FHIP2A: variants seen among roughly 807,000 people sequenced by gnomAD.
FHIP2A encodes the protein FHF complex subunit HOOK interacting protein 2A.
In FHIP2A, 46 loss-of-function variants were observed where a neutral mutation model predicts 93.5. The observed-to-expected ratio is 0.49, with a 90% CI of 0.39 to 0.63. FHIP2A has a LOEUF of 0.63. FHIP2A is among the 20% of genes least tolerant of loss of function. The pLI, the probability that FHIP2A is intolerant of heterozygous loss-of-function variation, is 0.00. For missense variants in FHIP2A, 769 were observed against 909.7 expected, an observed-to-expected ratio of 0.85 and a Z score of 1.99; for synonymous variants, 332 against 326.5, an observed-to-expected ratio of 1.02 and a Z score of -0.18.
chr10:114,848,840 T>G, intron 13 of FHIP2A, 103 bp downstream of exon 13: 1 of 758,394 alleles, frequency 1.3e-6, no homozygotes, highest in South Asian at 1.6e-5. Context: ...ATGACTTCAT[T>G]CTTATTAAAA....
At chr10:114,898,228 T>A (rs1234862832) in intron 16 of FHIP2A, among the ~76,000 whole-genome samples, 3 of 152,216 alleles carry the variant, frequency 2.0e-5, no homozygotes, top group Admixed American at 1.3e-4. Context: ...CAGCCAGCAC[T>A]GTGTACAGCT....
intron 16 of FHIP2A, among the ~76,000 whole-genome samples, chr10:114,893,244 A>T (rs1002081582): frequency 2.6e-5 from 4 of 152,244 alleles, no homozygotes; most frequent in African/African-American, 9.6e-5. Flanking sequence ...ATGATTAGAT[A>T]AACTATTGTA....
At chr10:114,882,369 A>C (rs1037239881) in intron 16 of FHIP2A, among the ~76,000 whole-genome samples, 1 of 152,168 alleles carries the variant, frequency 6.6e-6, no homozygotes, top group Non-Finnish European at 1.5e-5. Flanking sequence ...ATCACAGTCT[A>C]CATGGTATAT....
rs775174248 is a variant in FHIP2A at position 114,848,608 on chromosome 10, AATGGAC to A, written c.1713-36_1713-31del. The A allele has an allele frequency of 3.4e-5, 40 of 1,190,306 alleles. No individual in the cohort carries two copies. In the South Asian group the frequency reaches 4.9e-4, roughly 15 times the overall value. 73.7% of individuals were successfully genotyped at this position (1,190,306 alleles called of 1,614,324 possible). On this transcript the variant is annotated intron_variant, in intron 12 of 16. Transcript: ENST00000369248. ...ACTTTTTCCTTTTTTTTTTCATGCA[AATGGAC>A]ATCTTGCATAATTGTGGCCGTTTTC...
chr10:114,865,962 T>G (rs889718948), downstream of FHIP2A, among the ~76,000 whole-genome samples: 2 of 152,062 alleles, frequency 1.3e-5, no homozygotes, highest in Non-Finnish European at 2.9e-5. Context: ...TTTTTCTGTT[T>G]GTTTGTTTTT....
At chr10:114,822,729 T>C (rs1035332530) in intron 1 of FHIP2A, among the ~76,000 whole-genome samples, 1 of 152,188 alleles carries the variant, frequency 6.6e-6, no homozygotes, top group African/African-American at 2.4e-5. Context: ...CTGAACCTTA[T>C]GTATTGATCT....
Position 114,861,694 on chromosome 10 carries a change from A to G in FHIP2A, c.*154A>G. The G allele has an allele frequency of 2.1e-6, 3 of 1,413,824 alleles. No individual in the cohort carries two copies. The highest frequency in any genetic ancestry group is 1.4e-5 in the African/African-American group (1 of 69,210). The allele number at this position is 1,413,824 out of a possible 1,614,324, so 87.6% of individuals were successfully genotyped here. On this transcript the variant is annotated 3_prime_UTR_variant, in exon 17 of 17. Coordinates refer to ENST00000369248, the MANE Select transcript of FHIP2A (RefSeq NM_020940.4). ...ACCATTAAGAACCTATTGAGTGGAC[A>G]TTCTTGGTGAAATGTTGTATAATGT...
At chr10:114,836,976 A>G (rs1402921183) in intron 5 of FHIP2A, among the ~76,000 whole-genome samples, 1 of 152,132 alleles carries the variant, frequency 6.6e-6, no homozygotes, top group Non-Finnish European at 1.5e-5. Flanking sequence ...ACCATTGGTC[A>G]CTGCAGCCTT....
rs114514656 is a variant in FHIP2A at position 114,882,630 on chromosome 10, T to G, written c.2193-16860T>G. Among the ~76,000 whole-genome samples, 1,144 of 152,240 alleles carry G rather than the reference T, an allele frequency of 7.5e-3. 25 individuals are homozygous for G. Among genetic ancestry groups the G allele is most frequent in the African/African-American group, 0.026 (1,089 of 41,524 alleles). ...AGCATTATTCCCAACACCAACACTT[T>G]GGGAGGCCAAGGCAGGCAAATCACT... On this transcript the variant is annotated intron_variant, in intron 16 of 16. Transcript: ENST00000369250.
intron 5 of FHIP2A, among the ~76,000 whole-genome samples, chr10:114,842,679 C>T (rs944024929): frequency 9.2e-5 from 14 of 152,116 alleles, no homozygotes; most frequent in African/African-American, 3.4e-4. Flanking sequence ...GTCAAATTAT[C>T]AGTAATACTG....
chr10:114,867,572 T>C (rs1171757195), downstream of FHIP2A, among the ~76,000 whole-genome samples: 6 of 152,230 alleles, frequency 3.9e-5, no homozygotes, highest in Admixed American at 3.9e-4. Context: ...CTCAGTACTC[T>C]TTTGACAGCG....
At chr10:114,853,756 T>A (rs1040186663) in intron 13 of FHIP2A, among the ~76,000 whole-genome samples, 20 of 152,178 alleles carry the variant, frequency 1.3e-4, no homozygotes, top group African/African-American at 3.9e-4. Context: ...CCTAGCACTT[T>A]GGGAGGCCGA....
chr10:114,878,791 A>AAAGAAAGAAAGAAAGAAAG (rs796671658), intron 16 of FHIP2A, among the ~76,000 whole-genome samples: 13 of 135,464 alleles, frequency 9.6e-5, no homozygotes, highest in African/African-American at 3.0e-4. Flanking sequence ...AAAAAAAAAA[A>AAAGAAAGAAAGAAAGAAAG]AAAGAAAGAA....
In FHIP2A at chr10:114,861,779, G is replaced by T; in HGVS notation, c.*239G>T. ...ATACAATTGCACATTGTTGAATCCA[G>T]GATACAATCAAAGGAACTTCAGGAA... On this transcript the variant is annotated 3_prime_UTR_variant, in exon 17 of 17. Transcript: ENST00000369248. 1 of 1,151,202 alleles carries T rather than the reference G, an allele frequency of 8.7e-7. No homozygotes were observed. The highest frequency in any genetic ancestry group is 1.1e-6 in the Non-Finnish European group (1 of 934,736). The allele number at this position is 1,151,202 out of a possible 1,614,324, so 71.3% of individuals were successfully genotyped here.
chr10:114,829,935 G>A (rs2083598481), intron 1 of FHIP2A, among the ~76,000 whole-genome samples: 1 of 152,290 alleles, frequency 6.6e-6, no homozygotes, highest in Non-Finnish European at 1.5e-5. Flanking sequence ...GAGCTAAAAT[G>A]TTGAGCATTT....
intron 16 of FHIP2A, among the ~76,000 whole-genome samples, chr10:114,870,250 G>C (rs2083850570): frequency 1.3e-5 from 2 of 152,148 alleles, no homozygotes; most frequent in South Asian, 4.1e-4. Flanking sequence ...ATGTTGGATA[G>C]GCGCAAATGC....
intron 16 of FHIP2A, among the ~76,000 whole-genome samples, chr10:114,872,401 T>G (rs993761689): frequency 8.5e-5 from 13 of 152,252 alleles, no homozygotes; most frequent in Non-Finnish European, 1.5e-5. Flanking sequence ...ATTGTAATTT[T>G]ATAACCCACA....
intron 5 of FHIP2A, among the ~76,000 whole-genome samples, chr10:114,842,380 G>GT (rs1331371072): frequency 6.6e-6 from 1 of 152,106 alleles, no homozygotes; most frequent in Admixed American, 6.6e-5. Context: ...CGTTCTTATA[G>GT]AGTAGAGGTT....
At chr10:114,845,801 T>C (rs1171740017) in intron 8 of FHIP2A, among the ~76,000 whole-genome samples, 2 of 152,206 alleles carry the variant, frequency 1.3e-5, no homozygotes, top group East Asian at 1.9e-4. Context: ...TTTTTCATCC[T>C]ATTCCTCTTA....
Sources: gnomAD v4.1 joint callset for allele counts (sites outside exome capture counted in the v4.1 genomes callset) on GRCh38, gnomAD v4.1.1 for gene constraint, MANE v1.5 for transcripts, NCBI Gene and HGNC (gene_info 2026-07-23, HGNC 2026-07-21) for gene names.